TRPC3: variants seen among roughly 807,000 people sequenced by gnomAD.
TRPC3 encodes short transient receptor potential channel 3.
In TRPC3, 54 loss-of-function variants were observed where a neutral mutation model predicts 90.9. The ratio of observed to expected loss-of-function variants is 0.59; its 90% confidence interval spans 0.48 to 0.75. The LOEUF is 0.75. TRPC3 is among the 30% of genes least tolerant of loss of function. The pLI, the probability that TRPC3 is intolerant of heterozygous loss-of-function variation, is 0.00. For missense variants in TRPC3, 918 were observed against 1,194.5 expected, an observed-to-expected ratio of 0.77 and a Z score of 3.41; for synonymous variants, 424 against 450.9, an observed-to-expected ratio of 0.94 and a Z score of 0.75.
intron 10 of TRPC3, among the ~76,000 whole-genome samples, chr4:121,883,673 C>T (rs1380188967): frequency 2.6e-5 from 4 of 152,166 alleles, no homozygotes; most frequent in Admixed American, 2.6e-4. Context: ...TTATATTTTA[C>T]TGGCAAGACT....
At chr4:121,925,475 A>G (rs1729672642) in intron 2 of TRPC3, among the ~76,000 whole-genome samples, 1 of 152,118 alleles carries the variant, frequency 6.6e-6, no homozygotes, top group South Asian at 2.1e-4. Context: ...GAATCTAAAA[A>G]AGTCATACTC....
intron 6 of TRPC3, among the ~76,000 whole-genome samples, chr4:121,908,166 A>G (rs1247727165): frequency 6.6e-6 from 1 of 152,170 alleles, no homozygotes; most frequent in Non-Finnish European, 1.5e-5. Flanking sequence ...GAGGACCCCT[A>G]ACAACCCTTT....
intron 3 of TRPC3, among the ~76,000 whole-genome samples, chr4:121,918,017 G>A (rs1377101341): frequency 6.6e-6 from 1 of 152,194 alleles, no homozygotes; most frequent in Non-Finnish European, 1.5e-5. Context: ...CAACATTCAG[G>A]TGCTGTCAAT....
chr4:121,905,000 T>C (rs1161344384), intron 7 of TRPC3, among the ~76,000 whole-genome samples: 1 of 152,040 alleles, frequency 6.6e-6, no homozygotes, highest in Admixed American at 6.6e-5. Flanking sequence ...TATCCATCAG[T>C]AGGGGACAGG....
intron 9 of TRPC3, 41 bp downstream of exon 9, chr4:121,902,809 CAG>C: frequency 7.1e-7 from 1 of 1,415,426 alleles, no homozygotes; most frequent in Non-Finnish European, 9.6e-7. Flanking sequence ...AAAAAAAAGA[CAG>C]AACATTTATT....
At chr4:121,912,158 ACATAGGAT>A in intron 4 of TRPC3, 65 bp from the exon 5 acceptor site, 1 of 1,398,418 alleles carries the variant, frequency 7.2e-7, no homozygotes, top group Admixed American at 2.2e-5. Context: ...GGAGATTACA[ACATAGGAT>A]TAAAAAAAAT....
intron 4 of TRPC3, among the ~76,000 whole-genome samples, chr4:121,913,312 C>A (rs1206611624): frequency 6.6e-6 from 1 of 152,122 alleles, no homozygotes; most frequent in African/African-American, 2.4e-5. Flanking sequence ...CTTTAAATAA[C>A]ATGAAAAGAA....
rs1242213649 is a variant in TRPC3, at chr4:121,932,189, C to A, written c.987+82G>T. ...TCACTGGGCAAAACCGAATGTGGAG[C>A]GAACGGTGGCAGAGCAGGCCAGGCA... is the stretch of plus-strand genomic sequence containing the variant. On this transcript the variant is annotated intron_variant, in intron 2 of 11. Transcript: ENST00000379645. This position sits in a 1 kb window ranked among gnomAD's most constrained non-coding sequence, Gnocchi z 7.7. 4 of 1,550,052 alleles carry A rather than the reference C, an allele frequency of 2.6e-6. No homozygotes were observed. The highest frequency in any genetic ancestry group is 3.5e-6 in the Non-Finnish European group (4 of 1,147,272).
intron 7 of TRPC3, among the ~76,000 whole-genome samples, 168 bp downstream of exon 7, chr4:121,907,135 A>T (rs1728907897): frequency 6.6e-6 from 1 of 152,104 alleles, no homozygotes; most frequent in Non-Finnish European, 1.5e-5. Context: ...AAGCTCAGAG[A>T]TGAGCCTTCA....
intron 11 of TRPC3, among the ~76,000 whole-genome samples, chr4:121,881,748 C>T (rs1727951063): frequency 6.6e-6 from 1 of 152,204 alleles, no homozygotes; most frequent in South Asian, 2.1e-4. Context: ...TGGTTGATTT[C>T]TTTCCAACTC....
chr4:121,904,446 T>C lies in TRPC3; in HGVS notation c.2129A>G (p.Lys710Arg), dbSNP rs1297339645. ...ATTTTCTATGAATTTGTGATCATAT[T>C]TGAGCACAACGGAAGTCACTTCAGA... Reference protein sequence around the residue: ...GLSEVTSVVLKYDHKFIENIG... With the variant: ...GLSEVTSVVLRYDHKFIENIG... Residue 710 changes from lysine to arginine, a missense_variant, in exon 8 of 12, where the codon AAA (lysine) becomes AGA (arginine). By Grantham distance (26) the Lys-to-Arg change is conservative. Transcript: ENST00000379645. 5 of 1,605,808 alleles carry C rather than the reference T, an allele frequency of 3.1e-6. No individual in the cohort carries two copies. In the Admixed American group the frequency reaches 6.9e-5, roughly 22 times the overall value.
At chr4:121,939,564 T>A (rs1730235388) in intron 1 of TRPC3, among the ~76,000 whole-genome samples, 1 of 152,200 alleles carries the variant, frequency 6.6e-6, no homozygotes, top group South Asian at 2.1e-4. Flanking sequence ...AAGTACTGGT[T>A]AAGTAATGGA....
At chr4:121,940,034 T>C (rs1730253811) in intron 1 of TRPC3, among the ~76,000 whole-genome samples, 1 of 151,994 alleles carries the variant, frequency 6.6e-6, no homozygotes. Flanking sequence ...ATAAAAGAGG[T>C]CAGCCTCCCG....
intron 4 of TRPC3, among the ~76,000 whole-genome samples, chr4:121,912,830 T>C (rs1560701000): frequency 6.6e-6 from 1 of 152,230 alleles, no homozygotes; most frequent in Non-Finnish European, 1.5e-5. Context: ...TCCCCTATGA[T>C]ATAATGTCCT....
At chr4:121,917,633 G>T (rs547708363) in intron 3 of TRPC3, among the ~76,000 whole-genome samples, 2 of 152,156 alleles carry the variant, frequency 1.3e-5, no homozygotes, top group Non-Finnish European at 2.9e-5. Context: ...CAACTCATAG[G>T]CTTGTCAAGA....
chr4:121,924,484 T>C (rs547592516), intron 3 of TRPC3, among the ~76,000 whole-genome samples: 1 of 152,316 alleles, frequency 6.6e-6, no homozygotes, highest in African/African-American at 2.4e-5. Context: ...AGCTACACAT[T>C]TAACTTGCAA....
intron 10 of TRPC3, among the ~76,000 whole-genome samples, chr4:121,890,602 G>A (rs1237549154): frequency 1.3e-5 from 2 of 152,100 alleles, no homozygotes; most frequent in African/African-American, 4.8e-5. Flanking sequence ...TGGTGTCTTT[G>A]AAGAAGAAAT....
chr4:121,913,542 A>T (rs1382044152), intron 4 of TRPC3, among the ~76,000 whole-genome samples: 2 of 152,192 alleles, frequency 1.3e-5, no homozygotes, highest in Non-Finnish European at 2.9e-5. Flanking sequence ...TTCAAACCTG[A>T]TGGAATGTTT....
intron 10 of TRPC3, among the ~76,000 whole-genome samples, chr4:121,894,803 A>G (rs1728462190): frequency 6.6e-6 from 1 of 151,934 alleles, no homozygotes; most frequent in African/African-American, 2.4e-5. Flanking sequence ...AGCTTAAGCA[A>G]TCCTTCTGCC....
Sources: allele counts gnomAD v4.1 joint callset (sites outside exome capture counted in the v4.1 genomes callset), GRCh38; gene constraint gnomAD v4.1.1; non-coding constraint Gnocchi (gnomAD v3.1); transcripts MANE v1.5; gene names NCBI Gene and HGNC (gene_info 2026-07-23, HGNC 2026-07-21).